The following ADGRD1 variants were observed in gnomAD, a reference collection of about 807,000 sequenced individuals.
ADGRD1 encodes the protein adhesion G protein-coupled receptor D1.
Under a neutral mutation model 113.4 loss-of-function variants are expected in ADGRD1, and 77 were observed. That is an observed-to-expected ratio of 0.68 (90% CI 0.57 to 0.82). The LOEUF (loss-of-function observed/expected upper bound fraction) is 0.82. Ranked by LOEUF, ADGRD1 falls within the 40% of genes least tolerant of loss-of-function variation. ADGRD1 has a pLI of 0.00. For synonymous variants in ADGRD1, 474 were observed against 475.0 expected (o/e 1.00, Z 0.03); for missense variants, 1,036 against 1,139.1 (o/e 0.91, Z 1.30).
Position 131,084,720 on chromosome 12 carries a change from G to A in ADGRD1, c.1671+57G>A. On this transcript the variant is annotated intron_variant, in intron 15 of 24. Coordinates refer to ENST00000261654, the MANE Select transcript of ADGRD1 (RefSeq NM_198827.5). This position sits in a 1 kb window ranked among gnomAD's most constrained non-coding sequence, Gnocchi z 4.5. ...TGGGGGACGTACCATGAGGCTGCAG[G>A]TGGGGGCGGGAGGATGCTTTGCCCG... The A allele has an allele frequency of 1.3e-6, 2 of 1,586,790 alleles. No homozygotes were observed. The highest frequency in any genetic ancestry group is 1.7e-6 in the Non-Finnish European group (2 of 1,165,778).
chr12:130,984,433 C>T lies in ADGRD1; in HGVS notation c.490+2370C>T, dbSNP rs545407658. The stretch of plus-strand genomic sequence containing the variant: ...GGCCTCTGCAGACTGGGTTGGTGGG[C>T]GCCATGGAGTGCCTGTATTGCTGTT... On this transcript the variant is annotated intron_variant, in intron 5 of 24. Coordinates refer to ENST00000261654, the MANE Select transcript of ADGRD1 (RefSeq NM_198827.5). The surrounding 1 kb of genome is among the most constrained non-coding windows in gnomAD (Gnocchi z 4.1). 1.7e-3 allele frequency among the ~76,000 whole-genome samples: 253 copies of T among 152,180 alleles called. 6 individuals are homozygous for T. The highest frequency in any genetic ancestry group is 0.016 in the Admixed American group (243 of 15,288).
At chr12:131,010,194 G>C (rs193283557) in intron 12 of ADGRD1, among the ~76,000 whole-genome samples, 11 of 152,308 alleles carry the variant, frequency 7.2e-5, no homozygotes, top group Admixed American at 2.6e-4. Context: ...GCTGCCATGT[G>C]CCACCTTGTT....
chr12:131,120,688 T>C, intron 19 of ADGRD1, 159 bp from the exon 20 acceptor site: 2 of 727,660 alleles, frequency 2.7e-6, no homozygotes, highest in East Asian at 5.3e-5. Flanking sequence ...GGGATCATCA[T>C]GGATAAAAAT....
At chr12:130,964,928 G>T (rs987699677) in intron 2 of ADGRD1, among the ~76,000 whole-genome samples, 3 of 151,996 alleles carry the variant, frequency 2.0e-5, no homozygotes, top group Non-Finnish European at 4.4e-5. Context: ...TCCATAATCA[G>T]ATATGTCCCC....
chr12:131,084,453 C>T lies in ADGRD1; in HGVS notation c.1548-87C>T. 3.5e-6 allele frequency: 5 copies of T among 1,446,322 alleles called. No individual in the cohort carries two copies. The highest frequency in any genetic ancestry group is 4.8e-6 in the Non-Finnish European group (5 of 1,035,934). The allele number at this position is 1,446,322 out of a possible 1,614,324, so 89.6% of individuals were successfully genotyped here. ...GGGCGCCGCCATGAGTTCACGGGGC[C>T]ATGTGTTATGGGGGGTGCTGCTCTC... is the stretch of plus-strand genomic sequence containing the variant. On this transcript the variant is annotated intron_variant, in intron 14 of 24. Transcript: ENST00000261654. This position sits in a 1 kb window ranked among gnomAD's most constrained non-coding sequence, Gnocchi z 4.5.
At position 130,965,382 on chromosome 12, in the gene ADGRD1, A is replaced by AT. The variant is rs927427055; in HGVS notation, c.104-1073dup. ...TCTTATTATCTCCTCTTTAAAAAGT[A>AT]TTTTTTTTAAAAAAACAAGGACTAA... On this transcript the variant is annotated intron_variant, in intron 2 of 24. Coordinates refer to ENST00000261654, the MANE Select transcript of ADGRD1 (RefSeq NM_198827.5). The surrounding 1 kb of genome is among the most constrained non-coding windows in gnomAD (Gnocchi z 4.8). Among the ~76,000 whole-genome samples the AT allele has an allele frequency of 2.6e-5, 4 of 152,150 alleles. No homozygotes were observed. The highest frequency in any genetic ancestry group is 2.1e-4 in the South Asian group (1 of 4,812).
At chr12:131,099,203 C>T (rs780746683) in intron 15 of ADGRD1, among the ~76,000 whole-genome samples, 12 of 152,198 alleles carry the variant, frequency 7.9e-5, no homozygotes, top group Non-Finnish European at 1.6e-4. Context: ...AGGCTGTCTC[C>T]TGTCCTGTCT....
intron 15 of ADGRD1, among the ~76,000 whole-genome samples, chr12:131,103,751 C>G (rs528975044): frequency 6.6e-6 from 1 of 152,142 alleles, no homozygotes; most frequent in African/African-American, 2.4e-5. Context: ...GCAGGCGTCT[C>G]GGAGGACGGG....
At chr12:131,032,740 G>A (rs971224557) in intron 13 of ADGRD1, among the ~76,000 whole-genome samples, 2 of 128,906 alleles carry the variant, frequency 1.6e-5, no homozygotes, top group Non-Finnish European at 3.3e-5. Flanking sequence ...TAGAGAAATC[G>A]CCACCCCGTC....
chr12:131,136,182 G>A lies in ADGRD1; in HGVS notation c.2394+19G>A, dbSNP rs200748641. 1.6e-5 allele frequency: 26 copies of A among 1,612,672 alleles called. No homozygotes were observed. Among genetic ancestry groups the A allele is most frequent in the East Asian group, 1.1e-4 (5 of 44,820 alleles). The stretch of plus-strand genomic sequence containing the variant: ...CCTGCAGGTGAGAGCCGCGGGGACT[G>A]GCGGGGAGGCAGGGCCGCCAGCCAT... On this transcript the variant is annotated intron_variant, in intron 22 of 24. Transcript: ENST00000261654.
intron 20 of ADGRD1, among the ~76,000 whole-genome samples, chr12:131,126,996 C>G (rs1950751118): frequency 6.6e-6 from 1 of 151,942 alleles, no homozygotes; most frequent in Non-Finnish European, 1.5e-5. Context: ...CCCCACCGCA[C>G]CGATGCAGGA....
In ADGRD1 at chr12:131,120,876, T is replaced by C. The variant is rs1351856704; in HGVS notation, c.2138T>C (p.Ile713Thr). ...TGGCTGTCGTTGGCGAGTGGCGCCATCTGGGCCTTTGTAGCCCCTGCCCTG... is the reference window on the plus strand; with the variant it reads ...TGGCTGTCGTTGGCGAGTGGCGCCACCTGGGCCTTTGTAGCCCCTGCCCTG... ...NCWLSLASGA[I>T]WAFVAPALFV... is the part of the protein sequence containing the mutation. The change falls in exon 20 of 25, where the codon ATC becomes ACC. Residue 713 changes from isoleucine (I) to threonine (T), a missense_variant. Transcript: ENST00000261654. 2.5e-6 allele frequency: 4 copies of C among 1,614,120 alleles called. No individual in the cohort carries two copies. Among genetic ancestry groups the C allele is most frequent in the Non-Finnish European group, 3.4e-6 (4 of 1,180,058 alleles).
At chr12:131,046,822 C>G (rs1593115977) in intron 13 of ADGRD1, among the ~76,000 whole-genome samples, 1 of 140,398 alleles carries the variant, frequency 7.1e-6, no homozygotes, top group African/African-American at 2.8e-5. Context: ...AGTGTCCTCC[C>G]TGGTGAGTGC....
chr12:131,128,559 A>C (rs1950803941), intron 20 of ADGRD1, among the ~76,000 whole-genome samples: 2 of 152,202 alleles, frequency 1.3e-5, no homozygotes, highest in African/African-American at 4.8e-5. Context: ...TGAAATGGCA[A>C]CACAAAATTT....
At chr12:131,038,901 C>T (rs550780020) in intron 13 of ADGRD1, among the ~76,000 whole-genome samples, 9 of 152,338 alleles carry the variant, frequency 5.9e-5, no homozygotes, top group African/African-American at 2.2e-4. Context: ...AAGACTAGGT[C>T]GCAGGCCGAC....
intron 2 of ADGRD1, chr12:130,962,796 C>T (rs894197237): frequency 2.6e-5 from 4 of 152,074 alleles, no homozygotes; most frequent in African/African-American, 4.8e-5. Context: ...TAACTTTGTT[C>T]CTGGCTTACA....
chr12:131,007,738 CA>C (rs1293938748), intron 12 of ADGRD1, among the ~76,000 whole-genome samples: 1 of 152,266 alleles, frequency 6.6e-6, no homozygotes, highest in Non-Finnish European at 1.5e-5. Context: ...GTTCCATGAG[CA>C]GCACATTTAC....
Position 131,131,758 on chromosome 12 carries a change from G to A in ADGRD1, c.2209G>A (p.Val737Ile). ...TGGCATCCTCATCGCTGTGACCAGAGTCATCTCACAGATCAGCGCCGACAA... is the reference window on the plus strand; with the variant it reads ...TGGCATCCTCATCGCTGTGACCAGAATCATCTCACAGATCAGCGCCGACAA... ...NIGILIAVTRVISQISADNYK... is the reference protein window; with the variant it reads ...NIGILIAVTRIISQISADNYK... The change falls in exon 21 of 25, where the codon GTC becomes ATC. Residue 737 changes from valine (V) to isoleucine (I), a missense_variant. Coordinates refer to ENST00000261654, the MANE Select transcript of ADGRD1 (RefSeq NM_198827.5). The A allele has an allele frequency of 6.2e-7, 1 of 1,612,064 alleles. No individual in the cohort carries two copies. The highest frequency in any genetic ancestry group is 8.5e-7 in the Non-Finnish European group (1 of 1,179,182).
intron 9 of ADGRD1, among the ~76,000 whole-genome samples, chr12:131,001,929 C>T (rs187793094): frequency 7.9e-5 from 12 of 152,162 alleles, no homozygotes; most frequent in South Asian, 4.2e-4. Context: ...AATAAGATTG[C>T]GTTAGAGTTT....
Sources: gnomAD v4.1 joint callset for allele counts (sites outside exome capture counted in the v4.1 genomes callset) on GRCh38, gnomAD v4.1.1 for gene constraint, Gnocchi (gnomAD v3.1) non-coding constraint, MANE v1.5 for transcripts, NCBI Gene and HGNC (gene_info 2026-07-23, HGNC 2026-07-21) for gene names.